METTL16: variants seen among roughly 807,000 people sequenced by gnomAD.
The protein encoded by METTL16 is RNA N(6)-adenosine-methyltransferase METTL16.
Under a neutral mutation model 57.9 loss-of-function variants are expected in METTL16, and 19 were observed. The ratio of observed to expected loss-of-function variants is 0.33; its 90% CI spans 0.23 to 0.48. METTL16 has a LOEUF of 0.48. Ranked by LOEUF, METTL16 falls within the 20% of genes least tolerant of loss-of-function variation. The probability of loss-of-function intolerance (pLI) is 0.99; values close to 1 mark genes in which losing one functional copy is unlikely to be tolerated. For missense variants in METTL16, 434 were observed against 691.5 expected (o/e 0.63, Z 4.18); for synonymous variants, 246 against 255.6 (o/e 0.96, Z 0.36).
intron 2 of METTL16, among the ~76,000 whole-genome samples, chr17:2,500,168 T>A (rs1414706459): frequency 6.6e-6 from 1 of 152,204 alleles, no homozygotes; most frequent in Non-Finnish European, 1.5e-5. Context: ...GGCTTCCAGG[T>A]TAAGTCTTGC....
intron 4 of METTL16, among the ~76,000 whole-genome samples, chr17:2,468,861 A>T (rs1290451339): frequency 6.6e-6 from 1 of 152,118 alleles, no homozygotes; most frequent in Admixed American, 6.6e-5. Flanking sequence ...GCACACCGGC[A>T]TGGATGACAG....
chr17:2,482,639 G>A (rs1311456794), intron 2 of METTL16, among the ~76,000 whole-genome samples: 2 of 152,218 alleles, frequency 1.3e-5, no homozygotes, highest in African/African-American at 4.8e-5. Flanking sequence ...GGGCCCAATG[G>A]CTCACACCTG....
chr17:2,505,914 G>A (rs1032989277), intron 1 of METTL16, among the ~76,000 whole-genome samples: 2 of 151,956 alleles, frequency 1.3e-5, no homozygotes, highest in African/African-American at 4.8e-5. Flanking sequence ...ATCAGTTTAA[G>A]TCACATGCCC....
rs564670053 is a variant in METTL16, at chr17:2,496,515, T to C, written c.128+5689A>G. Among the ~76,000 whole-genome samples, 3 of 151,884 alleles carry C rather than the reference T, an allele frequency of 2.0e-5. No individual in the cohort carries two copies. The East Asian group carries it at 5.8e-4, about 29-fold the overall frequency. On this transcript the variant is annotated intron_variant, in intron 2 of 9. Transcript: ENST00000263092. Reference sequence around the variant, plus strand: ...TTTTCAAAATGCTAAGTCTTCATCTTCACTGAAAGTTATTTATCCACATAA... The same window carrying C: ...TTTTCAAAATGCTAAGTCTTCATCTCCACTGAAAGTTATTTATCCACATAA...
chr17:2,419,736 T>C lies in METTL16; in HGVS notation c.*234A>G. The C allele has an allele frequency of 2.9e-6, 2 of 685,820 alleles. No individual in the cohort carries two copies. Among genetic ancestry groups the C allele is most frequent in the Admixed American group, 2.0e-5 (1 of 49,164 alleles). 42.5% of individuals were successfully genotyped at this position (685,820 alleles called of 1,614,324 possible). ...CCTCGGGAGTTTACTGAGGGCTTTCTGTTGTTACTGATGACCACAATTCCT... is the reference window on the plus strand; with the variant it reads ...CCTCGGGAGTTTACTGAGGGCTTTCCGTTGTTACTGATGACCACAATTCCT... On this transcript the variant is annotated 3_prime_UTR_variant, in exon 10 of 10. Coordinates refer to ENST00000263092, the MANE Select transcript of METTL16 (RefSeq NM_024086.4).
chr17:2,443,280 T>C (rs1339181909), intron 6 of METTL16, among the ~76,000 whole-genome samples: 1 of 152,184 alleles, frequency 6.6e-6, no homozygotes, highest in African/African-American at 2.4e-5. Context: ...GACAGAGAAA[T>C]AGATAACTTG....
intron 2 of METTL16, among the ~76,000 whole-genome samples, chr17:2,488,696 T>TTTAA (rs1240715276): frequency 6.6e-6 from 1 of 152,228 alleles, no homozygotes; most frequent in Non-Finnish European, 1.5e-5. Context: ...ATGATTCTAC[T>TTTAA]TTAAGGTAAA....
chr17:2,438,118 G>T lies in METTL16; in HGVS notation c.879C>A (p.Val293=). 1 of 1,612,150 alleles carries T rather than the reference G, an allele frequency of 6.2e-7. No individual in the cohort carries two copies. The highest frequency in any genetic ancestry group is 1.1e-5 in the South Asian group (1 of 90,994). ...WALAWSFYDD[V]TVPSPPSKRR... is the part of the protein sequence containing the mutation. ...CAAGGTCTGTACTTACTGGTACTGT[G>T]ACATCATCATAAAAACTCCAAGCTA... is the stretch of plus-strand genomic sequence containing the variant. The change falls in exon 8 of 10, where the codon GTC becomes GTA. Residue 293 remains valine, a synonymous_variant. Transcript: ENST00000263092.
intron 4 of METTL16, among the ~76,000 whole-genome samples, chr17:2,473,196 T>A (rs2067245896): frequency 6.6e-6 from 1 of 152,106 alleles, no homozygotes; most frequent in Non-Finnish European, 1.5e-5. Context: ...AACCCCCACT[T>A]AAAGTCTCTG....
intron 6 of METTL16, among the ~76,000 whole-genome samples, chr17:2,449,239 C>T (rs182683249): frequency 2.7e-4 from 41 of 152,172 alleles, no homozygotes; most frequent in Middle Eastern, 6.8e-3. Flanking sequence ...GAATGGAAGA[C>T]TCATTATTGT....
At chr17:2,490,291 A>G (rs1256783187) in intron 2 of METTL16, among the ~76,000 whole-genome samples, 2 of 152,316 alleles carry the variant, frequency 1.3e-5, no homozygotes, top group South Asian at 4.1e-4. Context: ...TATGTGGATC[A>G]GCCCAGTCTT....
intron 2 of METTL16, among the ~76,000 whole-genome samples, chr17:2,500,574 G>A (rs1474323510): frequency 5.9e-5 from 9 of 152,068 alleles, no homozygotes; most frequent in East Asian, 1.9e-4. Context: ...GAGCCACCGC[G>A]CCCGGCCACT....
intron 8 of METTL16, among the ~76,000 whole-genome samples, chr17:2,427,463 A>T (rs2066827980): frequency 6.6e-6 from 1 of 152,224 alleles, no homozygotes; most frequent in Non-Finnish European, 1.5e-5. Context: ...GTCTCCAAGG[A>T]CAAAAAAGAA....
rs543302602 is a variant in METTL16, at chr17:2,430,837, T to C, written c.888+7272A>G. On this transcript the variant is annotated intron_variant, in intron 8 of 9. Transcript: ENST00000263092. ...GAACCCCAATTCCCTCTCATGCTCA[T>C]TGGCCATTACCAATCCCTCTCTCAG... 3.0e-4 allele frequency among the ~76,000 whole-genome samples: 46 copies of C among 152,238 alleles called. 1 individual carries two copies. In the South Asian group the frequency reaches 3.3e-3, roughly 11 times the overall value.
At chr17:2,489,111 C>CTTTTTTTTTTTTTTTTTTTTTTT (rs11404983) in intron 2 of METTL16, among the ~76,000 whole-genome samples, 1 of 146,324 alleles carries the variant, frequency 6.8e-6, no homozygotes. Context: ...ACTTTTCATT[C>CTTTTTTTTTTTTTTTTTTTTTTT]TTTTTTTTTT....
At chr17:2,464,379 AAATGTGTAC>A in intron 5 of METTL16, 29 bp from the exon 6 acceptor site, 1 of 1,576,712 alleles carries the variant, frequency 6.3e-7, no homozygotes. Context: ...CCCTGGTGAA[AAATGTGTAC>A]ACCCCAAGAA....
chr17:2,509,542 G>C (rs1217648940), intron 1 of METTL16, among the ~76,000 whole-genome samples: 1 of 152,052 alleles, frequency 6.6e-6, no homozygotes, highest in South Asian at 2.1e-4. Context: ...GTGAGACCCT[G>C]TCTCAAAATA....
intron 8 of METTL16, 37 bp downstream of exon 8, chr17:2,438,072 C>T (rs199867515): frequency 3.5e-6 from 5 of 1,428,388 alleles, no homozygotes; most frequent in Non-Finnish European, 4.9e-6. Context: ...CCACCATGTG[C>T]TGGCAGGTGG....
intron 8 of METTL16, among the ~76,000 whole-genome samples, chr17:2,429,574 G>T (rs1249328075): frequency 1.3e-5 from 2 of 151,074 alleles, no homozygotes; most frequent in African/African-American, 2.4e-5. Flanking sequence ...TTTCATAGAA[G>T]TACCTCAGCT....
Sources: allele counts gnomAD v4.1 joint callset (sites outside exome capture counted in the v4.1 genomes callset), GRCh38; gene constraint gnomAD v4.1.1; transcripts MANE v1.5; gene names NCBI Gene and HGNC (gene_info 2026-07-23, HGNC 2026-07-21).